The following KCNN3 variants were observed in gnomAD, a reference collection of about 807,000 sequenced individuals.
The protein encoded by KCNN3 is potassium calcium-activated channel subfamily N member 3, also known as small conductance calcium-activated potassium channel protein 3.
A neutral mutation model predicts 62.9 loss-of-function variants in KCNN3; 16 were observed. That is an observed-to-expected ratio of 0.25 (90% CI 0.17 to 0.39). The LOEUF (loss-of-function observed/expected upper bound fraction) is 0.39, where lower values mean the gene tolerates loss of function less well. KCNN3 is among the 10% of genes least tolerant of loss of function. The pLI is 1.00. For missense variants in KCNN3, 599 were observed against 949.4 expected (o/e 0.63, Z 4.85); for synonymous variants, 370 against 389.2 (o/e 0.95, Z 0.58).
At chr1:154,845,458 A>G (rs1652015694) in intron 1 of KCNN3, among the ~76,000 whole-genome samples, 1 of 152,194 alleles carries the variant, frequency 6.6e-6, no homozygotes, top group Non-Finnish European at 1.5e-5. Flanking sequence ...GGAGCAGATC[A>G]GGGAGAGTGA....
intron 1 of KCNN3, among the ~76,000 whole-genome samples, 176 bp downstream of exon 1, chr1:154,868,856 C>A (rs1191607478): frequency 6.6e-6 from 1 of 151,794 alleles, no homozygotes; most frequent in Non-Finnish European, 1.5e-5. Flanking sequence ...CGCCTCTCAC[C>A]ACCACCACCA....
Position 154,734,746 on chromosome 1 carries a change from G to A in KCNN3, c.1449-1602C>T, listed in dbSNP as rs139290040. 2.0e-5 allele frequency among the ~76,000 whole-genome samples: 3 copies of A among 152,340 alleles called. No individual in the cohort carries two copies. The East Asian group carries it at 5.8e-4, about 29-fold the overall frequency. On this transcript the variant is annotated intron_variant, in intron 3 of 7. Coordinates refer to ENST00000271915, the MANE Select transcript of KCNN3 (RefSeq NM_002249.6). ...ACTGTGCATGTATTGAGCACCTACTGTGTGGCTGGCACTTTGTACGCAAAC... is the reference window on the plus strand; with the variant it reads ...ACTGTGCATGTATTGAGCACCTACTATGTGGCTGGCACTTTGTACGCAAAC...
In KCNN3 at chr1:154,809,666, G is replaced by C. The variant is rs1650319938; in HGVS notation, c.1029+12423C>G. ...CATGTTGCTGAGTGAGATGCTAAAAGGCCTGGACAGACTAGAATGAAGGGC... is the reference window on the plus strand; with the variant it reads ...CATGTTGCTGAGTGAGATGCTAAAACGCCTGGACAGACTAGAATGAAGGGC... On this transcript the variant is annotated intron_variant, in intron 2 of 7. Transcript: ENST00000271915. The surrounding 1 kb of genome is among the most constrained non-coding windows in gnomAD (Gnocchi z 4.3). 1.3e-5 allele frequency among the ~76,000 whole-genome samples: 2 copies of C among 152,186 alleles called. No individual in the cohort carries two copies. Among genetic ancestry groups the C allele is most frequent in the African/African-American group, 4.8e-5 (2 of 41,444 alleles).
At chr1:154,830,625 G>A (rs966724832) in intron 1 of KCNN3, among the ~76,000 whole-genome samples, 8 of 152,204 alleles carry the variant, frequency 5.3e-5, no homozygotes, top group Admixed American at 1.3e-4. Flanking sequence ...ATAAAGTCAA[G>A]TTGCCCTGGA....
rs1651661663 is a variant in KCNN3 at position 154,837,927 on chromosome 1, G to T, written c.934-15743C>A. Among the ~76,000 whole-genome samples, 4 of 152,226 alleles carry T rather than the reference G, an allele frequency of 2.6e-5. No individual in the cohort carries two copies. In the South Asian group the frequency reaches 8.3e-4, roughly 32 times the overall value. ...AGGGCTGTGTGCCGTGGGGAGCCAG[G>T]TGTGCTGAGGTCAGCGGGGAGGAAG... On this transcript the variant is annotated intron_variant, in intron 1 of 7. Coordinates refer to ENST00000271915, the MANE Select transcript of KCNN3 (RefSeq NM_002249.6).
intron 1 of KCNN3, among the ~76,000 whole-genome samples, chr1:154,858,887 T>C (rs1292056916): frequency 2.0e-5 from 3 of 152,186 alleles, no homozygotes; most frequent in Non-Finnish European, 4.4e-5. Flanking sequence ...CTTGGGGTCC[T>C]ATAAGGAGGA....
At chr1:154,814,597 C>T (rs112383925) in intron 2 of KCNN3, among the ~76,000 whole-genome samples, 3 of 152,278 alleles carry the variant, frequency 2.0e-5, no homozygotes, top group Admixed American at 6.5e-5. Context: ...AAGGTGAAGG[C>T]GGCCAGGCCC....
chr1:154,800,907 T>C (rs1387426953), intron 2 of KCNN3, among the ~76,000 whole-genome samples: 1 of 144,636 alleles, frequency 6.9e-6, no homozygotes, highest in African/African-American at 2.5e-5. Flanking sequence ...TAGCCGGGCA[T>C]GATTGTGCGC....
intron 1 of KCNN3, among the ~76,000 whole-genome samples, chr1:154,830,522 C>A (rs573115929): frequency 7.0e-4 from 107 of 152,368 alleles, no homozygotes; most frequent in Non-Finnish European, 6.5e-4. Context: ...GGCTTGGGGT[C>A]TTCACCGTCT....
intron 1 of KCNN3, among the ~76,000 whole-genome samples, chr1:154,826,065 A>C (rs1341734815): frequency 1.6e-4 from 4 of 25,208 alleles, no homozygotes; most frequent in African/African-American, 5.2e-4. Flanking sequence ...ACAAAAACAA[A>C]AACAAAAACA....
At chr1:154,839,519 C>T (rs576755911) in intron 1 of KCNN3, among the ~76,000 whole-genome samples, 4 of 152,330 alleles carry the variant, frequency 2.6e-5, no homozygotes, top group South Asian at 2.1e-4. Context: ...CAGGGACGAA[C>T]GTGACCTGGG....
chr1:154,734,102 G>A (rs573410813), intron 3 of KCNN3, among the ~76,000 whole-genome samples: 1 of 152,314 alleles, frequency 6.6e-6, no homozygotes, highest in African/African-American at 2.4e-5. Flanking sequence ...CCAGAGGAAC[G>A]GGTGCTCTGG....
At chr1:154,846,726 T>C (rs1652076714) in intron 1 of KCNN3, among the ~76,000 whole-genome samples, 1 of 152,174 alleles carries the variant, frequency 6.6e-6, no homozygotes. Context: ...GAGAAAGCAC[T>C]GGCTCCAGAA....
At chr1:154,813,327 C>T (rs1650512623) in intron 2 of KCNN3, among the ~76,000 whole-genome samples, 2 of 151,992 alleles carry the variant, frequency 1.3e-5, no homozygotes, top group Non-Finnish European at 1.5e-5. Flanking sequence ...TCCACGGCCC[C>T]CTCACTTCAC....
intron 2 of KCNN3, among the ~76,000 whole-genome samples, chr1:154,777,260 C>T (rs1163260862): frequency 6.6e-6 from 1 of 152,096 alleles, no homozygotes; most frequent in Non-Finnish European, 1.5e-5. Flanking sequence ...CTCGGTGCAC[C>T]TGAGCTCTCC....
At chr1:154,868,792 G>A (rs1019296055) in intron 1 of KCNN3, among the ~76,000 whole-genome samples, 1 of 151,946 alleles carries the variant, frequency 6.6e-6, no homozygotes, top group East Asian at 1.9e-4. Flanking sequence ...GAATTCTCCC[G>A]GGATCAAGAA....
intron 1 of KCNN3, among the ~76,000 whole-genome samples, chr1:154,844,944 T>C (rs1218567): frequency 0.49 from 74,051 of 151,658 alleles, 19,871 homozygotes; most frequent in East Asian, 0.91. Context: ...AGGTGGAGGT[T>C]GCAGTGAACT....
chr1:154,782,726 AT>A (rs2101852183), intron 2 of KCNN3, among the ~76,000 whole-genome samples: 1 of 152,356 alleles, frequency 6.6e-6, no homozygotes, highest in South Asian at 2.1e-4. Flanking sequence ...TTTCATTGCC[AT>A]CTCATAATGT....
chr1:154,789,310 C>T (rs1181221335), intron 2 of KCNN3, among the ~76,000 whole-genome samples: 1 of 152,122 alleles, frequency 6.6e-6, no homozygotes, highest in Admixed American at 6.5e-5. Context: ...CCTGGATAAC[C>T]CAGGATACTC....
Sources: gnomAD v4.1 joint callset for allele counts (sites outside exome capture counted in the v4.1 genomes callset) on GRCh38, gnomAD v4.1.1 for gene constraint, Gnocchi (gnomAD v3.1) non-coding constraint, MANE v1.5 for transcripts, NCBI Gene and HGNC (gene_info 2026-07-23, HGNC 2026-07-21) for gene names.